The following MAPK14 variants were observed in gnomAD, a reference collection of about 807,000 sequenced individuals.
MAPK14 encodes CSAID-binding protein.
A neutral mutation model predicts 49.6 loss-of-function variants in MAPK14; 16 were observed. The observed-to-expected ratio is 0.32, with a 90% CI of 0.22 to 0.49. The LOEUF (loss-of-function observed/expected upper bound fraction) is 0.49. Among genes scored for constraint, MAPK14 ranks in the 20% least tolerant of loss-of-function variants. The probability of loss-of-function intolerance (pLI) is 0.99; values close to 1 mark genes in which losing one functional copy is unlikely to be tolerated. For synonymous variants in MAPK14, 142 were observed against 158.0 expected (o/e 0.90, Z 0.76); for missense variants, 200 against 441.2 (o/e 0.45, Z 4.90).
At chr6:36,072,154 G>A (rs1764325014) in intron 3 of MAPK14, among the ~76,000 whole-genome samples, 1 of 152,116 alleles carries the variant, frequency 6.6e-6, no homozygotes, top group Non-Finnish European at 1.5e-5. Flanking sequence ...GAGCAACATA[G>A]TGAGACCCCA....
In MAPK14 at chr6:36,108,805, G is replaced by T; in HGVS notation, c.*358G>T. The T allele has an allele frequency of 4.1e-6, 1 of 241,156 alleles. No homozygotes were observed. The highest frequency in any genetic ancestry group is 8.3e-6 in the Non-Finnish European group (1 of 120,606). 14.9% of individuals were successfully genotyped at this position (241,156 alleles called of 1,614,324 possible). On this transcript the variant is annotated 3_prime_UTR_variant, in exon 12 of 12. Coordinates refer to ENST00000229794, the MANE Select transcript of MAPK14 (RefSeq NM_139012.3). ...AAAAATATGAATTGTCCCCAATCCC[G>T]GTCATGCTTTTGCCACTTTGGCTTC...
At chr6:36,102,225 T>C (rs1378098667) in intron 9 of MAPK14, among the ~76,000 whole-genome samples, 3 of 152,226 alleles carry the variant, frequency 2.0e-5, no homozygotes, top group Non-Finnish European at 4.4e-5. Flanking sequence ...TCTACCAATT[T>C]AGCTGTTTGA....
chr6:36,106,303 G>A (rs923128962), intron 10 of MAPK14, among the ~76,000 whole-genome samples: 1 of 152,106 alleles, frequency 6.6e-6, no homozygotes, highest in Non-Finnish European at 1.5e-5. Context: ...GACACATCCC[G>A]AGAAACGGTC....
chr6:36,090,068 T>G (rs1765156273), intron 8 of MAPK14, among the ~76,000 whole-genome samples: 1 of 152,236 alleles, frequency 6.6e-6, no homozygotes, highest in South Asian at 2.1e-4. Flanking sequence ...TGAGTTAAAA[T>G]CCACTTGCCA....
chr6:36,032,000 T>C (rs998681953), intron 1 of MAPK14, among the ~76,000 whole-genome samples: 1 of 152,086 alleles, frequency 6.6e-6, no homozygotes, highest in Admixed American at 6.6e-5. Flanking sequence ...CAGGTTGGTC[T>C]CAAACTCCTG....
At chr6:36,115,005 C>T (rs1344138301), downstream of MAPK14, among the ~76,000 whole-genome samples, 6 of 152,182 alleles carry the variant, frequency 3.9e-5, no homozygotes, top group Non-Finnish European at 8.8e-5. Flanking sequence ...CATCTGGGAA[C>T]AGTGTGTGTC....
Sources: allele counts gnomAD v4.1 joint callset (sites outside exome capture counted in the v4.1 genomes callset), GRCh38; gene constraint gnomAD v4.1.1; transcripts MANE v1.5; gene names NCBI Gene and HGNC (gene_info 2026-07-23, HGNC 2026-07-21).